IL16: variants seen among roughly 807,000 people sequenced by gnomAD.
IL16 encodes interleukin 16.
In IL16, 67 loss-of-function variants were observed where a neutral mutation model predicts 110.1. The observed-to-expected ratio is 0.61, with a 90% confidence interval of 0.50 to 0.75. The LOEUF is 0.75. Ranked by LOEUF, IL16 falls within the 30% of genes least tolerant of loss-of-function variation. The pLI, the probability that IL16 is intolerant of heterozygous loss-of-function variation, is 0.00. For synonymous variants in IL16, 689 were observed against 662.9 expected (o/e 1.04, Z -0.61); for missense variants, 1,545 against 1,655.0 (o/e 0.93, Z 1.15).
In IL16 at chr15:81,218,954, A is replaced by G. The variant is rs573541783; in HGVS notation, c.-101-6345A>G. On this transcript the variant is annotated intron_variant, in intron 1 of 18. Transcript: ENST00000683961. ...AACAATTTTTTTTTTTTTAGTCCAT[A>G]CTACGTGCAAGGCAATAAGCTAAGT... Among the ~76,000 whole-genome samples the G allele has an allele frequency of 6.0e-5, 9 of 150,894 alleles. No homozygotes were observed. The South Asian group carries it at 1.9e-3, about 31-fold the overall frequency.
At chr15:81,228,636 A>C (rs1896871631) in intron 2 of IL16, among the ~76,000 whole-genome samples, 1 of 152,154 alleles carries the variant, frequency 6.6e-6, no homozygotes. Context: ...TGGGTTTAAA[A>C]ATGTCTTCAC....
At chr15:81,240,227 A>G (rs1897300623) in intron 2 of IL16, among the ~76,000 whole-genome samples, 2 of 151,990 alleles carry the variant, frequency 1.3e-5, no homozygotes, top group African/African-American at 2.4e-5. Context: ...TGTGAAAACC[A>G]CTCAATTTAT....
In IL16 at chr15:81,311,332, G is replaced by T. The variant is rs1369325856; in HGVS notation, c.*2534G>T. The T allele has an allele frequency of 6.6e-6, 1 of 152,242 alleles. No individual in the cohort carries two copies. The highest frequency in any genetic ancestry group is 2.4e-5 in the African/African-American group (1 of 41,454). 9.4% of individuals were successfully genotyped at this position (152,242 alleles called of 1,614,324 possible). A position where few individuals can be genotyped will look rare whatever the true frequency, so the allele number is the denominator to read the frequency against. Reference sequence around the variant, plus strand: ...TCTCACTTGTGCCAACACTCAAGAAGCAGGCTACACTGACACTGGTATTCC... The same window carrying T: ...TCTCACTTGTGCCAACACTCAAGAATCAGGCTACACTGACACTGGTATTCC... On this transcript the variant is annotated 3_prime_UTR_variant, in exon 19 of 19. Transcript: ENST00000683961.
intron 11 of IL16, among the ~76,000 whole-genome samples, chr15:81,291,248 A>G (rs761266159): frequency 2.6e-5 from 4 of 152,198 alleles, no homozygotes; most frequent in South Asian, 2.1e-4. Context: ...ACAGAACACA[A>G]TTTATTTCAG....
At chr15:81,282,592 G>T in intron 8 of IL16, 47 bp from the exon 9 acceptor site, 1 of 1,432,136 alleles carries the variant, frequency 7.0e-7, no homozygotes. Flanking sequence ...AGGCCCCCTG[G>T]GAAAGCTCAG....
chr15:81,293,114 G>A, intron 12 of IL16, 77 bp downstream of exon 12: 1 of 1,457,666 alleles, frequency 6.9e-7, no homozygotes, highest in Non-Finnish European at 9.2e-7. Context: ...TAGCAAGTTA[G>A]TGTTAGCAGG....
intron 16 of IL16, 28 bp from the exon 17 acceptor site, chr15:81,305,880 T>C (rs1397275904): frequency 1.2e-6 from 2 of 1,609,154 alleles, no homozygotes; most frequent in African/African-American, 1.3e-5. Context: ...GTGTGATTTC[T>C]GGTCCTGACT....
At chr15:81,267,716 T>C (rs1448542658) in intron 4 of IL16, among the ~76,000 whole-genome samples, 2 of 152,188 alleles carry the variant, frequency 1.3e-5, no homozygotes, top group Non-Finnish European at 2.9e-5. Context: ...CAGGAAGGGC[T>C]GATTTTTCAG....
chr15:81,190,507 G>A (rs1302934273), intron 1 of IL16, among the ~76,000 whole-genome samples: 1 of 152,174 alleles, frequency 6.6e-6, no homozygotes, highest in Non-Finnish European at 1.5e-5. Flanking sequence ...GCTTTGAGTT[G>A]TTTTACTCCC....
At chr15:81,280,196 C>T (rs1206903569) in intron 8 of IL16, among the ~76,000 whole-genome samples, 1 of 152,192 alleles carries the variant, frequency 6.6e-6, no homozygotes, top group Non-Finnish European at 1.5e-5. Context: ...GAACAGACAG[C>T]CATTCCCTTT....
intron 13 of IL16, among the ~76,000 whole-genome samples, chr15:81,299,134 A>C (rs1380275492): frequency 6.6e-6 from 1 of 152,184 alleles, no homozygotes; most frequent in Non-Finnish European, 1.5e-5. Flanking sequence ...ATATTCTCTG[A>C]GCACCCTTCC....
At chr15:81,265,527 C>A in intron 3 of IL16, 132 bp from the exon 4 acceptor site, 1 of 948,500 alleles carries the variant, frequency 1.1e-6, no homozygotes, top group Non-Finnish European at 1.6e-6. Context: ...CCACCACGCA[C>A]CTGGCACAGG....
rs1310947041 is a variant in IL16 at position 81,305,956 on chromosome 15, C to A, written c.3469C>A (p.Gln1157Lys). Reference protein sequence around the residue: ...NGLASQEGTIQKGNEVLSING... With the variant: ...NGLASQEGTIKKGNEVLSING... ...GCTGGCCTCCCAGGAAGGGACTATT[C>A]AGAAGGGCAATGAGGTTCTTTCCAT... The change falls in exon 17 of 19, where the codon CAG becomes AAG. Residue 1157 changes from glutamine (Q) to lysine (K), a missense_variant. By Grantham distance (53) the Gln-to-Lys change is moderately conservative (BLOSUM62 1). Transcript: ENST00000683961. The A allele has an allele frequency of 1.9e-6, 3 of 1,614,200 alleles. No individual in the cohort carries two copies. The highest frequency in any genetic ancestry group is 2.5e-6 in the Non-Finnish European group (3 of 1,180,036).
At chr15:81,301,046 C>T (rs1366147489) in intron 14 of IL16, among the ~76,000 whole-genome samples, 3 of 152,190 alleles carry the variant, frequency 2.0e-5, no homozygotes, top group African/African-American at 7.2e-5. Context: ...TGGATGAGAC[C>T]TTCTATGCAG....
At chr15:81,259,997 C>A in intron 3 of IL16, 117 bp downstream of exon 3, 2 of 670,440 alleles carry the variant, frequency 3.0e-6, no homozygotes, top group Non-Finnish European at 5.3e-6. Context: ...GCATTGGAGT[C>A]TGCTCAGCTT....
In IL16 at chr15:81,292,928, A is replaced by G; in HGVS notation, c.1793A>G (p.Lys598Arg). ...AGAAAGCCTATGTCCTCCAAGCCCAAGCCTCCACCCAGAAAATACTTTAAA... is the reference window on the plus strand; with the variant it reads ...AGAAAGCCTATGTCCTCCAAGCCCAGGCCTCCACCCAGAAAATACTTTAAA... ...LVRKPMSSKP[K>R]PPPRKYFKSD... Residue 598 changes from lysine (K) to arginine (R), a missense_variant, in exon 12 of 19, where the codon AAG becomes AGG. Physicochemically the swap from Lys to Arg is conservative, Grantham distance 26. This residue lies in a region of IL16 where 1,185 missense variants were observed against 1,238.8 expected (regional missense o/e 0.96). Coordinates refer to ENST00000683961, the MANE Select transcript of IL16 (RefSeq NM_172217.5). The G allele has an allele frequency of 1.2e-6, 2 of 1,614,200 alleles. No homozygotes were observed. Among genetic ancestry groups the G allele is most frequent in the African/African-American group, 1.3e-5 (1 of 75,038 alleles).
intron 1 of IL16, among the ~76,000 whole-genome samples, chr15:81,198,978 C>T (rs974443557): frequency 3.5e-4 from 51 of 146,012 alleles, no homozygotes; most frequent in African/African-American, 1.2e-3. Flanking sequence ...CGAGATCATG[C>T]CACTGCACTC....
chr15:81,285,509 G>C (rs56310941), intron 9 of IL16, among the ~76,000 whole-genome samples, 189 bp from the exon 10 acceptor site: 17,325 of 152,214 alleles, frequency 0.11, 1,293 homozygotes, highest in South Asian at 0.31. Flanking sequence ...GTACGGTAAG[G>C]GGGTATGGGA....
intron 2 of IL16, among the ~76,000 whole-genome samples, chr15:81,247,040 C>A (rs548559411): frequency 6.7e-6 from 1 of 149,202 alleles, no homozygotes; most frequent in African/African-American, 2.5e-5. Context: ...CCCCTTTCAA[C>A]CCTCATTTTA....
Sources: allele counts gnomAD v4.1 joint callset (sites outside exome capture counted in the v4.1 genomes callset), GRCh38; gene constraint gnomAD v4.1.1; regional missense constraint gnomAD v4.1.1; transcripts MANE v1.5; gene names NCBI Gene and HGNC (gene_info 2026-07-23, HGNC 2026-07-21).